The following NREP variants were observed in gnomAD, a reference collection of about 807,000 sequenced individuals.
NREP encodes the protein neuronal regeneration-related protein.
Under a neutral mutation model 8.6 loss-of-function variants are expected in NREP, and 5 were observed. The ratio of observed to expected loss-of-function variants is 0.58; its 90% CI spans 0.30 to 1.22. The LOEUF (loss-of-function observed/expected upper bound fraction) is 1.22. Ranked by LOEUF, NREP falls within the 50% of genes most tolerant of loss-of-function variation. NREP has a pLI of 0.07. For missense variants in NREP, 86 were observed against 82.5 expected (o/e 1.04, Z -0.17); for synonymous variants, 27 against 28.0 (o/e 0.96, Z 0.11).
chr5:111,758,060 C>G, upstream of NREP: 8 of 985,586 alleles, frequency 8.1e-6, no homozygotes, highest in Non-Finnish European at 9.6e-6. Flanking sequence ...CGGAGCCGCG[C>G]TCAGACACAC....
chr5:111,749,590 C>G (rs1312741885), intron 2 of NREP, among the ~76,000 whole-genome samples: 1 of 152,162 alleles, frequency 6.6e-6, no homozygotes, highest in Non-Finnish European at 1.5e-5. Context: ...CGTTGGCTTA[C>G]ATTTTCAATA....
chr5:111,772,644 CG>C (rs748954631), intron 2 of NREP, among the ~76,000 whole-genome samples: 174 of 152,070 alleles, frequency 1.1e-3, no homozygotes, highest in Non-Finnish European at 1.8e-3. Context: ...GCCCCTCCCC[CG>C]AGACACCAAC....
At chr5:111,750,679 A>G (rs1317966174) in intron 2 of NREP, among the ~76,000 whole-genome samples, 4 of 152,232 alleles carry the variant, frequency 2.6e-5, no homozygotes, top group Non-Finnish European at 5.9e-5. Context: ...TGCACATCAC[A>G]GAATCACAGA....
At chr5:111,866,696 G>C (rs1384827589) in intron 2 of NREP, among the ~76,000 whole-genome samples, 2 of 152,100 alleles carry the variant, frequency 1.3e-5, no homozygotes, top group Non-Finnish European at 2.9e-5. Flanking sequence ...ACATGCACAC[G>C]TATGTTTATT....
intron 2 of NREP, among the ~76,000 whole-genome samples, chr5:111,874,014 G>C (rs1753848666): frequency 6.6e-6 from 1 of 151,476 alleles, no homozygotes; most frequent in Non-Finnish European, 1.5e-5. Flanking sequence ...GTTAGGGTGA[G>C]TGATTGTTAT....
At chr5:111,740,996 A>G (rs183825249) in intron 2 of NREP, among the ~76,000 whole-genome samples, 64 of 152,324 alleles carry the variant, frequency 4.2e-4, no homozygotes, top group African/African-American at 1.5e-3. Context: ...AATACTGCTT[A>G]CTTCATTAGT....
chr5:111,907,332 C>T (rs1319959313), intron 2 of NREP, among the ~76,000 whole-genome samples: 3 of 152,056 alleles, frequency 2.0e-5, no homozygotes, highest in Non-Finnish European at 4.4e-5. Context: ...TTACTTTGGT[C>T]TATGATCCAT....
At chr5:111,744,152 C>T (rs931770577) in intron 2 of NREP, among the ~76,000 whole-genome samples, 4 of 152,096 alleles carry the variant, frequency 2.6e-5, no homozygotes, top group Non-Finnish European at 4.4e-5. Context: ...CCCCGAAGTG[C>T]TCATTCCAAA....
At chr5:111,823,149 G>A (rs1455769402) in intron 2 of NREP, among the ~76,000 whole-genome samples, 4 of 152,144 alleles carry the variant, frequency 2.6e-5, no homozygotes, top group African/African-American at 9.7e-5. Flanking sequence ...GAGTGAGAGG[G>A]TAGGGGTCAG....
At chr5:111,888,843 C>T (rs367918628) in intron 2 of NREP, among the ~76,000 whole-genome samples, 6 of 152,240 alleles carry the variant, frequency 3.9e-5, no homozygotes, top group South Asian at 2.1e-4. Context: ...CAGTCTCTCT[C>T]GAGACCTCAT....
intron 2 of NREP, among the ~76,000 whole-genome samples, chr5:111,796,991 G>A (rs1476981656): frequency 6.6e-6 from 1 of 152,102 alleles, no homozygotes; most frequent in African/African-American, 2.4e-5. Context: ...ATACTGCTAA[G>A]AGGAATAGTG....
At chr5:111,740,066 T>C (rs772305491) in intron 2 of NREP, among the ~76,000 whole-genome samples, 4 of 152,000 alleles carry the variant, frequency 2.6e-5, no homozygotes, top group Admixed American at 6.6e-5. Flanking sequence ...ATTTGGAGAA[T>C]ATGCAACAGT....
intron 2 of NREP, among the ~76,000 whole-genome samples, chr5:111,961,341 A>G (rs1234343013): frequency 6.6e-6 from 1 of 152,256 alleles, no homozygotes; most frequent in Non-Finnish European, 1.5e-5. Flanking sequence ...AGTGTTAATA[A>G]GCAGCACAAA....
At chr5:111,857,178 G>T (rs190722232) in intron 2 of NREP, among the ~76,000 whole-genome samples, 2 of 152,138 alleles carry the variant, frequency 1.3e-5, no homozygotes, top group Non-Finnish European at 2.9e-5. Context: ...TGGGAGTGCC[G>T]AGAGGAAGCG....
chr5:111,821,445 G>A (rs183268459), intron 2 of NREP, among the ~76,000 whole-genome samples: 5 of 151,966 alleles, frequency 3.3e-5, no homozygotes, highest in Admixed American at 1.3e-4. Context: ...CTTTTCAAAT[G>A]TGGTATAAAT....
chr5:111,809,114 G>A (rs997026939), intron 2 of NREP, among the ~76,000 whole-genome samples: 5 of 151,956 alleles, frequency 3.3e-5, no homozygotes, highest in African/African-American at 7.3e-5. Flanking sequence ...CTTAAACTTC[G>A]TATCTAGATG....
At chr5:111,944,539 C>T (rs979356462) in intron 2 of NREP, among the ~76,000 whole-genome samples, 1 of 152,108 alleles carries the variant, frequency 6.6e-6, no homozygotes, top group African/African-American at 2.4e-5. Flanking sequence ...AACTCCTGAG[C>T]TCAAGCAGTC....
intron 2 of NREP, among the ~76,000 whole-genome samples, chr5:111,835,816 T>A (rs1474610255): frequency 1.3e-5 from 2 of 152,064 alleles, no homozygotes; most frequent in African/African-American, 2.4e-5. Context: ...CATTGCTGTA[T>A]AAAGTTCATA....
chr5:111,776,353 A>C (rs1751357268), intron 2 of NREP, among the ~76,000 whole-genome samples: 1 of 152,182 alleles, frequency 6.6e-6, no homozygotes, highest in Admixed American at 6.5e-5. Flanking sequence ...ATGTAATGCT[A>C]TGCAGCTGTT....
Sources: gnomAD v4.1 joint callset for allele counts (sites outside exome capture counted in the v4.1 genomes callset) on GRCh38, gnomAD v4.1.1 for gene constraint, MANE v1.5 for transcripts, NCBI Gene and HGNC (gene_info 2026-07-23, HGNC 2026-07-21) for gene names.